Variants in PLAC1 observed in about 807,000 individuals in gnomAD.
The protein encoded by PLAC1 is placenta associated 1, also known as placenta-specific protein 1.
For missense variants in PLAC1, 136 were observed against 163.2 expected (o/e 0.83, Z 0.91); for synonymous variants, 68 against 62.1 (o/e 1.09, Z -0.44).
intron 1 of PLAC1, among the ~76,000 whole-genome samples, chrX:134,637,106 C>T (rs1230251978): frequency 8.9e-6 from 1 of 112,085 alleles, no homozygotes; most frequent in Non-Finnish European, 1.9e-5. Context: ...AGAAGCAGGC[C>T]CTACTTAGTT....
intron 1 of PLAC1, among the ~76,000 whole-genome samples, chrX:134,630,724 C>T (rs774572443): frequency 8.9e-5 from 10 of 111,801 alleles, no homozygotes; most frequent in African/African-American, 1.6e-4. Flanking sequence ...ACTACTAGTG[C>T]GATCTTGGCC....
At chrX:134,629,953 T>C (rs2078252584) in intron 1 of PLAC1, among the ~76,000 whole-genome samples, 1 of 108,596 alleles carries the variant, frequency 9.2e-6, no homozygotes, top group Non-Finnish European at 1.9e-5. Context: ...TTTCTTTCTT[T>C]CTTCCTCTTC....
intron 1 of PLAC1, among the ~76,000 whole-genome samples, chrX:134,621,790 G>A (rs2078212435): frequency 8.9e-6 from 1 of 111,850 alleles, no homozygotes; most frequent in Admixed American, 9.6e-5. Context: ...GGGTTCACTG[G>A]ATTACTGCTT....
intron 2 of PLAC1, among the ~76,000 whole-genome samples, chrX:134,712,437 A>G (rs1311531076): frequency 9.0e-6 from 1 of 111,465 alleles, no homozygotes; most frequent in Non-Finnish European, 1.9e-5. Context: ...CTTGGGTCAC[A>G]TTCTCATTTC....
chrX:134,651,030 C>T (rs2124434656), intron 1 of PLAC1: 1 of 250,601 alleles, frequency 4.0e-6, no homozygotes, highest in Admixed American at 3.6e-5. Context: ...TCCTGTTTCT[C>T]GACTGAAATC....
chrX:134,620,562 T>C (rs987876843), intron 1 of PLAC1, among the ~76,000 whole-genome samples: 2 of 112,117 alleles, frequency 1.8e-5, no homozygotes, highest in African/African-American at 6.5e-5. Context: ...AGAGGTTGTG[T>C]GGTACGTTAG....
At chrX:134,622,248 G>C in intron 1 of PLAC1, among the ~76,000 whole-genome samples, 1 of 112,063 alleles carries the variant, frequency 8.9e-6, no homozygotes. Context: ...GCTGAGCGGG[G>C]ACAGCCTGCT....
chrX:134,627,968 C>T (rs972700073), intron 1 of PLAC1, among the ~76,000 whole-genome samples: 6 of 111,505 alleles, frequency 5.4e-5, no homozygotes, highest in Admixed American at 9.5e-5. Flanking sequence ...GAGTTAACCT[C>T]TCTGAGCCTT....
chrX:134,641,908 G>A (rs2078309395), intron 1 of PLAC1, among the ~76,000 whole-genome samples: 1 of 112,349 alleles, frequency 8.9e-6, no homozygotes, highest in Non-Finnish European at 1.9e-5. Flanking sequence ...GGCAAATAAG[G>A]GGAGGGAATT....
intron 2 of PLAC1, among the ~76,000 whole-genome samples, chrX:134,724,874 T>G (rs890203883): frequency 9.1e-6 from 1 of 110,055 alleles, no homozygotes; most frequent in Non-Finnish European, 1.9e-5. Flanking sequence ...CATGGTGGAG[T>G]GCACCTGTAG....
At position 134,751,653 on chromosome X, in the gene PLAC1, C is replaced by A. The variant is rs948154853; in HGVS notation, n.89+12581G>T. On this transcript the variant is annotated intron_variant and non_coding_transcript_variant, in intron 1 of 2. Coordinates refer to the PLAC1 transcript ENST00000466797. ...TCTTGTCTCTGGCACACTACCAATG[C>A]TGAAGAAGTGTTGGTTAAATAAGAC... Among the ~76,000 whole-genome samples the A allele has an allele frequency of 4.5e-5, 5 of 111,622 alleles. No homozygotes were observed. The Admixed American group carries it at 4.8e-4, about 11-fold the overall frequency.
chrX:134,701,941 C>G (rs1162915879), intron 2 of PLAC1, among the ~76,000 whole-genome samples: 1 of 111,787 alleles, frequency 8.9e-6, no homozygotes, highest in East Asian at 2.8e-4. Context: ...ATTGCTTGAG[C>G]CCGGGAGGCA....
chrX:134,664,598 G>GGCA (rs2078429722), intron 2 of PLAC1, among the ~76,000 whole-genome samples: 1 of 112,350 alleles, frequency 8.9e-6, no homozygotes, highest in Non-Finnish European at 1.9e-5. Flanking sequence ...CAGTGAACCT[G>GGCA]GCTTCCTGAC....
chrX:134,733,254 A>G (rs777690520), intron 2 of PLAC1, among the ~76,000 whole-genome samples: 1 of 110,113 alleles, frequency 9.1e-6, no homozygotes, highest in Admixed American at 9.9e-5. Context: ...CTAGATATAA[A>G]ACAGAGAACT....
chrX:134,568,371 T>C (rs2077888430), intron 2 of PLAC1, among the ~76,000 whole-genome samples: 1 of 112,801 alleles, frequency 8.9e-6, no homozygotes, highest in East Asian at 2.8e-4. Context: ...CTCTTTCTCT[T>C]CCCTTGATAG....
At chrX:134,605,231 C>T (rs1438274243) in intron 1 of PLAC1, among the ~76,000 whole-genome samples, 2 of 111,423 alleles carry the variant, frequency 1.8e-5, no homozygotes, top group Non-Finnish European at 3.8e-5. Flanking sequence ...GGAGAGGCCC[C>T]TGTAGTTGAG....
chrX:134,752,470 T>C (rs1413152628), intron 1 of PLAC1, among the ~76,000 whole-genome samples: 1 of 111,843 alleles, frequency 8.9e-6, no homozygotes, highest in East Asian at 2.8e-4. Flanking sequence ...CACTCTAACC[T>C]TTACCAGCAT....
chrX:134,737,371 G>T (rs1569413059), intron 1 of PLAC1, among the ~76,000 whole-genome samples: 1 of 112,496 alleles, frequency 8.9e-6, no homozygotes, highest in East Asian at 2.8e-4. Context: ...ACAGCTGCTT[G>T]CTTGCATGGG....
At chrX:134,677,078 C>T (rs1401329114) in intron 2 of PLAC1, among the ~76,000 whole-genome samples, 17 of 112,362 alleles carry the variant, frequency 1.5e-4, no homozygotes, top group Non-Finnish European at 1.9e-5. Context: ...TGTGGGCCCG[C>T]CCCAGGAGAT....
Sources: allele counts gnomAD v4.1 joint callset (sites outside exome capture counted in the v4.1 genomes callset), GRCh38; gene constraint gnomAD v4.1.1; transcripts MANE v1.5; gene names NCBI Gene and HGNC (gene_info 2026-07-23, HGNC 2026-07-21).